The following STX7 variants were observed in gnomAD, a reference collection of about 807,000 sequenced individuals.
STX7 encodes the protein syntaxin-7.
STX7 carries 34 observed loss-of-function variants against 39.6 expected under a neutral mutation model. The ratio of observed to expected loss-of-function variants is 0.86; its 90% CI spans 0.65 to 1.14. The LOEUF is 1.14. Ranked by LOEUF, STX7 falls within the 50% of genes most tolerant of loss-of-function variation. The pLI is 0.00. For synonymous variants in STX7, 119 were observed against 99.1 expected (o/e 1.20, Z -1.19); for missense variants, 284 against 310.4 (o/e 0.92, Z 0.64).
Position 132,470,038 on chromosome 6 carries a change from T to A in STX7, c.450A>T (p.Gln150His). 1.3e-6 allele frequency: 2 copies of A among 1,581,308 alleles called. No individual in the cohort carries two copies. Among genetic ancestry groups the A allele is most frequent in the Non-Finnish European group, 1.7e-6 (2 of 1,170,112 alleles). ...CTTCATCCTGCACCTGCACTTGAGG[T>A]TGAGTTTGGCTAACAGAAAAAAATG... ...RNLVSWESQTQPQVQVQDEEI... is the reference protein window; with the variant it reads ...RNLVSWESQTHPQVQVQDEEI... The change falls in exon 7 of 10, where the codon CAA becomes CAT. Residue 150 changes from glutamine (Q) to histidine (H), a missense_variant. Coordinates refer to ENST00000367941, the MANE Select transcript of STX7 (RefSeq NM_003569.3).
At chr6:132,503,668 C>A in intron 1 of STX7, 80 bp from the exon 2 acceptor site, 6 of 574,172 alleles carry the variant, frequency 1.0e-5, no homozygotes, top group Admixed American at 3.3e-5. Flanking sequence ...TGTGAAGTTA[C>A]AAGGACAAAC....
chr6:132,451,307 G>A lies in STX7; in HGVS notation c.*9451C>T, dbSNP rs553926903. The A allele has an allele frequency of 2.0e-5, 3 of 152,212 alleles. No individual in the cohort carries two copies. The East Asian group carries it at 5.8e-4, about 29-fold the overall frequency. 9.4% of individuals were successfully genotyped at this position (152,212 alleles called of 1,614,324 possible). On this transcript the variant is annotated 3_prime_UTR_variant, in exon 10 of 10. Coordinates refer to ENST00000367941, the MANE Select transcript of STX7 (RefSeq NM_003569.3). ...GGCGGGGTTTCGCCATGTTAGCCAGGCTGGTCTCAAACTCCTGACCTCAAG... is the reference window on the plus strand; with the variant it reads ...GGCGGGGTTTCGCCATGTTAGCCAGACTGGTCTCAAACTCCTGACCTCAAG...
chr6:132,463,068 A>C (rs1774452607), intron 9 of STX7, among the ~76,000 whole-genome samples: 1 of 152,084 alleles, frequency 6.6e-6, no homozygotes, highest in African/African-American at 2.4e-5. Context: ...CAAAAAATAC[A>C]AAAATTAGCC....
rs113813008 is a variant in STX7, at chr6:132,469,563, C to T, written c.537+388G>A. Among the ~76,000 whole-genome samples, 1,345 of 152,274 alleles carry T rather than the reference C, an allele frequency of 8.8e-3. 23 individuals carry two copies. The highest frequency in any genetic ancestry group is 0.031 in the African/African-American group (1,276 of 41,550). On this transcript the variant is annotated intron_variant, in intron 7 of 9. Transcript: ENST00000367941. ...ATTAATTTTCTTTCTCTGGGCCAGA[C>T]ATGGTGGCTCACATCTATAATCCTA...
At chr6:132,504,795 A>C (rs1775657020) in intron 1 of STX7, among the ~76,000 whole-genome samples, 1 of 152,238 alleles carries the variant, frequency 6.6e-6, no homozygotes, top group Non-Finnish European at 1.5e-5. Flanking sequence ...CAAAAAGAAA[A>C]AATGACCATC....
At chr6:132,475,012 A>C (rs1174154761) in intron 3 of STX7, among the ~76,000 whole-genome samples, 2 of 152,190 alleles carry the variant, frequency 1.3e-5, no homozygotes, top group Non-Finnish European at 2.9e-5. Flanking sequence ...TAAATCACAT[A>C]AATTGAGATA....
At chr6:132,511,615 T>A (rs1018117826) in intron 1 of STX7, among the ~76,000 whole-genome samples, 1 of 152,226 alleles carries the variant, frequency 6.6e-6, no homozygotes, top group Admixed American at 6.5e-5. Flanking sequence ...GCTCAAGGAA[T>A]GTGAGGGTGC....
intron 2 of STX7, among the ~76,000 whole-genome samples, chr6:132,483,820 G>T (rs888066011): frequency 1.3e-5 from 2 of 152,078 alleles, no homozygotes; most frequent in African/African-American, 4.8e-5. Flanking sequence ...GGAGATAAGA[G>T]GTTTCTAGTC....
intron 2 of STX7, among the ~76,000 whole-genome samples, chr6:132,499,401 T>C (rs943868947): frequency 4.6e-4 from 70 of 152,300 alleles, no homozygotes; most frequent in African/African-American, 1.6e-3. Context: ...TAAGCAGAGA[T>C]GAGGAGAAAA....
chr6:132,492,910 C>T (rs562923593), intron 2 of STX7, among the ~76,000 whole-genome samples: 1 of 152,270 alleles, frequency 6.6e-6, no homozygotes, highest in African/African-American at 2.4e-5. Flanking sequence ...GTACTTGGGC[C>T]ACCCTGCCCC....
At chr6:132,462,662 A>C (rs1050166890) in intron 9 of STX7, among the ~76,000 whole-genome samples, 1 of 151,828 alleles carries the variant, frequency 6.6e-6, no homozygotes, top group Non-Finnish European at 1.5e-5. Flanking sequence ...TCCATGACAC[A>C]GTGATATAGT....
chr6:132,466,727 A>G (rs1335817890), intron 8 of STX7, among the ~76,000 whole-genome samples: 1 of 152,178 alleles, frequency 6.6e-6, no homozygotes, highest in Non-Finnish European at 1.5e-5. Flanking sequence ...AATAATGTCA[A>G]GAAAACCTTC....
chr6:132,473,517 G>GTTTTTTTTTT (rs752590497), intron 3 of STX7, among the ~76,000 whole-genome samples: 3 of 125,786 alleles, frequency 2.4e-5, no homozygotes, highest in African/African-American at 3.0e-5. Context: ...TTATTATTGT[G>GTTTTTTTTTT]TTGTTTTTTT....
chr6:132,480,026 G>A (rs1774977677), intron 2 of STX7, among the ~76,000 whole-genome samples: 1 of 152,096 alleles, frequency 6.6e-6, no homozygotes, highest in South Asian at 2.1e-4. Context: ...ATTACTCTGG[G>A]TTCTGTTATG....
intron 8 of STX7, among the ~76,000 whole-genome samples, chr6:132,466,340 A>G (rs1052997563): frequency 6.6e-6 from 1 of 152,042 alleles, no homozygotes; most frequent in African/African-American, 2.4e-5. Context: ...ATCACTGGCT[A>G]TTCCTTAGTC....
In STX7 at chr6:132,454,982, T is replaced by C. The variant is rs990447009; in HGVS notation, c.*5776A>G. The C allele has an allele frequency of 2.0e-5, 3 of 152,266 alleles. No homozygotes were observed. The highest frequency in any genetic ancestry group is 3.4e-3 in the Middle Eastern group (1 of 294). The allele number at this position is 152,266 out of a possible 1,614,324, so 9.4% of individuals were successfully genotyped here. On this transcript the variant is annotated 3_prime_UTR_variant, in exon 10 of 10. Transcript: ENST00000367941. Reference sequence around the variant, plus strand: ...GAGGTTGGATGTGGCCTGAGGCACATTGAAAATGCCTCGAAATGAACTCAA... The same window carrying C: ...GAGGTTGGATGTGGCCTGAGGCACACTGAAAATGCCTCGAAATGAACTCAA...
intron 7 of STX7, 120 bp from the exon 8 acceptor site, chr6:132,468,595 C>A: frequency 1.7e-6 from 1 of 580,936 alleles, no homozygotes; most frequent in Non-Finnish European, 3.0e-6. Flanking sequence ...CTATAATACA[C>A]AAATATAATA....
At position 132,449,660 on chromosome 6, in the gene STX7, T is replaced by G. The variant is rs532707095; in HGVS notation, c.*11098A>C. The G allele has an allele frequency of 6.6e-6, 1 of 152,338 alleles. No homozygotes were observed. The highest frequency in any genetic ancestry group is 2.4e-5 in the African/African-American group (1 of 41,588). The allele number at this position is 152,338 out of a possible 1,614,324, so 9.4% of individuals were successfully genotyped here. A position where few individuals can be genotyped will look rare whatever the true frequency, so the allele number is the denominator to read the frequency against. On this transcript the variant is annotated 3_prime_UTR_variant, in exon 10 of 10. Transcript: ENST00000367941. ...CCTTTAGTTGTGGTGAATCTGCTCT[T>G]AAACCATTCATTATGTTATATATTT...
chr6:132,468,601 T>C (rs2114369288), intron 7 of STX7, 126 bp from the exon 8 acceptor site: 1 of 564,676 alleles, frequency 1.8e-6, no homozygotes, highest in Non-Finnish European at 3.1e-6. Flanking sequence ...TACACAAATA[T>C]AATACATAAA....
Sources: allele counts gnomAD v4.1 joint callset (sites outside exome capture counted in the v4.1 genomes callset), GRCh38; gene constraint gnomAD v4.1.1; transcripts MANE v1.5; gene names NCBI Gene and HGNC (gene_info 2026-07-23, HGNC 2026-07-21).